PTCH1: variants seen among roughly 807,000 people sequenced by gnomAD.
PTCH1 encodes protein patched homolog 1.
Under a neutral mutation model 144.6 loss-of-function variants are expected in PTCH1, and 14 were observed. The observed-to-expected ratio is 0.10, with a 90% CI of 0.06 to 0.15. PTCH1 has a LOEUF of 0.15. PTCH1 is among the 10% of genes least tolerant of loss of function. The pLI, the probability that PTCH1 is intolerant of heterozygous loss-of-function variation, is 1.00. For missense variants in PTCH1, 1,623 were observed against 1,948.3 expected (o/e 0.83, Z 3.14); for synonymous variants, 833 against 793.6 (o/e 1.05, Z -0.83).
At chr9:95,486,516 A>G (rs985892285) in intron 2 of PTCH1, among the ~76,000 whole-genome samples, 2 of 152,272 alleles carry the variant, frequency 1.3e-5, no homozygotes, top group Admixed American at 1.3e-4. Flanking sequence ...GTCAGCATCC[A>G]GAAAACACAG....
rs372929159 is a variant in PTCH1, at chr9:95,457,450, T to C, written c.3168+563A>G. 9.2e-5 allele frequency among the ~76,000 whole-genome samples: 14 copies of C among 152,342 alleles called. No homozygotes were observed. In the East Asian group the frequency reaches 9.7e-4, roughly 11 times the overall value. ...TACCATAGTTCACAGAATTTAAACA[T>C]TGCCACGGTTTTATTAGACTCTACA... On this transcript the variant is annotated intron_variant, in intron 18 of 23. Coordinates refer to ENST00000331920, the MANE Select transcript of PTCH1 (RefSeq NM_000264.5).
In PTCH1 at chr9:95,469,899, C is replaced by T; in HGVS notation, c.1761G>A (p.Met587Ile). 6.2e-7 allele frequency: 1 copy of T among 1,614,108 alleles called. No homozygotes were observed. The highest frequency in any genetic ancestry group is 8.5e-7 in the Non-Finnish European group (1 of 1,180,014). Residue 587 changes from methionine (M) to isoleucine (I), a missense_variant, in exon 13 of 24, where the codon ATG becomes ATA. Transcript: ENST00000331920. Reference sequence around the variant, plus strand: ...GAATTGCAGGAAAAATGAGCAGAACCATGGCAAAATTGAACACCACTACTA... The same window carrying T: ...GAATTGCAGGAAAAATGAGCAGAACTATGGCAAAATTGAACACCACTACTA... Reference protein sequence around the residue: ...AAVVVVFNFAMVLLIFPAILS... With the variant: ...AAVVVVFNFAIVLLIFPAILS...
intron 2 of PTCH1, among the ~76,000 whole-genome samples, chr9:95,491,349 C>G (rs1842394470): frequency 6.6e-6 from 1 of 152,196 alleles, no homozygotes; most frequent in Non-Finnish European, 1.5e-5. Context: ...CCTGACACAG[C>G]TGAGCCTCAG....
chr9:95,508,982 G>A lies in PTCH1; in HGVS notation c.-621C>T, dbSNP rs1486821909. ...CCCGCGGTGGCTGCTGCTGGCGGTGGCGGCTCCAGGAGCTGCTGCTCGGGC... is the reference window on the plus strand; with the variant it reads ...CCCGCGGTGGCTGCTGCTGGCGGTGACGGCTCCAGGAGCTGCTGCTCGGGC... On this transcript the variant is annotated 5_prime_UTR_variant, in exon 1 of 24. Transcript: ENST00000331920. 1.3e-5 allele frequency among the ~76,000 whole-genome samples: 2 copies of A among 151,206 alleles called. No homozygotes were observed. Among genetic ancestry groups the A allele is most frequent in the Non-Finnish European group, 3.0e-5 (2 of 67,646 alleles).
intron 1 of PTCH1, chr9:95,506,831 C>A (rs2118887864): frequency 8.6e-7 from 1 of 1,168,344 alleles, no homozygotes; most frequent in African/African-American, 1.6e-5. Context: ...CATCAGGGCG[C>A]CCCCACCCGC....
At chr9:95,467,973 C>G (rs1279857510) in intron 14 of PTCH1, among the ~76,000 whole-genome samples, 2 of 152,044 alleles carry the variant, frequency 1.3e-5, no homozygotes, top group South Asian at 2.1e-4. Context: ...GTGGCATGAT[C>G]AGGGCTCACT....
upstream of PTCH1, among the ~76,000 whole-genome samples, chr9:95,512,048 G>A (rs921315535): frequency 2.0e-5 from 3 of 152,176 alleles, no homozygotes; most frequent in Non-Finnish European, 4.4e-5. Context: ...AAGGAATTCT[G>A]GAAGGAAATG....
chr9:95,492,636 C>T (rs539321151), intron 2 of PTCH1, among the ~76,000 whole-genome samples: 2 of 151,740 alleles, frequency 1.3e-5, no homozygotes, highest in Admixed American at 1.3e-4. Context: ...GAATATCACC[C>T]CCCCTTAAAA....
intron 18 of PTCH1, 72 bp downstream of exon 18, chr9:95,457,941 A>C: frequency 6.3e-7 from 1 of 1,594,240 alleles, no homozygotes; most frequent in Middle Eastern, 1.8e-4. Context: ...ACATAAACAA[A>C]ACTTCCCGGC....
chr9:95,507,490 A>G, intron 1 of PTCH1: 1 of 964,336 alleles, frequency 1.0e-6, no homozygotes, highest in Middle Eastern at 5.3e-4. Flanking sequence ...CGCACCGCGA[A>G]TTTAAGGTGG....
intron 2 of PTCH1, among the ~76,000 whole-genome samples, chr9:95,501,983 C>G (rs575386524): frequency 1.3e-4 from 20 of 152,250 alleles, no homozygotes; most frequent in African/African-American, 4.8e-4. Flanking sequence ...ACAGGGATGG[C>G]TAGTAGGAAG....
intron 8 of PTCH1, among the ~76,000 whole-genome samples, chr9:95,478,639 G>A (rs536069136): frequency 1.3e-5 from 2 of 152,274 alleles, no homozygotes; most frequent in African/African-American, 4.8e-5. Context: ...ACAAAGGCCA[G>A]CTCCTGTCAC....
intron 2 of PTCH1, among the ~76,000 whole-genome samples, chr9:95,489,067 A>C (rs1485417668): frequency 6.6e-6 from 1 of 152,110 alleles, no homozygotes; most frequent in African/African-American, 2.4e-5. Context: ...AGTGCACGAC[A>C]CTCATATATT....
rs1007732304 is a variant in PTCH1, at chr9:95,444,519, A to G, written c.*1874T>C. On this transcript the variant is annotated 3_prime_UTR_variant, in exon 24 of 24. Transcript: ENST00000331920. The stretch of plus-strand genomic sequence containing the variant: ...CACACACGCACGCACGCACACACAC[A>G]CACACACACCCAGCAGCCACAAGCG... 1.3e-5 allele frequency: 2 copies of G among 153,418 alleles called. No individual in the cohort carries two copies. Among genetic ancestry groups the G allele is most frequent in the African/African-American group, 2.4e-5 (1 of 41,288 alleles). The allele number at this position is 153,418 out of a possible 1,614,324, so 9.5% of individuals were successfully genotyped here.
At chr9:95,507,087 C>A in intron 1 of PTCH1, 1 of 986,176 alleles carries the variant, frequency 1.0e-6, no homozygotes, top group East Asian at 1.1e-4. Context: ...GTTCCCCCAA[C>A]TGGACCCCCG....
At position 95,476,377 on chromosome 9, in the gene PTCH1, G is replaced by A. The variant is rs1019984586; in HGVS notation, c.1603-218C>T. 1.3e-5 allele frequency among the ~76,000 whole-genome samples: 2 copies of A among 152,224 alleles called. No individual in the cohort carries two copies. The highest frequency in any genetic ancestry group is 2.9e-5 in the Non-Finnish European group (2 of 68,046). On this transcript the variant is annotated intron_variant, in intron 11 of 23. Transcript: ENST00000331920. This position sits in a 1 kb window ranked among gnomAD's most constrained non-coding sequence, Gnocchi z 4.6. ...TTCTTCATGGTTATTACCATCCAGA[G>A]AAGAAAGCTGCAAGATAATGACTTA...
intron 2 of PTCH1, among the ~76,000 whole-genome samples, chr9:95,496,386 G>A (rs575221114): frequency 6.6e-6 from 1 of 151,964 alleles, no homozygotes; most frequent in East Asian, 1.9e-4. Context: ...AACTGGTTTC[G>A]GTCCGCAACA....
At chr9:95,499,825 T>C (rs535894877) in intron 2 of PTCH1, among the ~76,000 whole-genome samples, 2 of 152,170 alleles carry the variant, frequency 1.3e-5, no homozygotes, top group African/African-American at 4.8e-5. Flanking sequence ...TGAACACTCA[T>C]CAGGGGCTAA....
intron 2 of PTCH1, among the ~76,000 whole-genome samples, chr9:95,493,896 G>A (rs1842610551): frequency 6.6e-6 from 1 of 152,110 alleles, no homozygotes; most frequent in Admixed American, 6.5e-5. Context: ...TTATTCAGGA[G>A]GAGCCAACCG....
Sources: allele counts gnomAD v4.1 joint callset (sites outside exome capture counted in the v4.1 genomes callset), GRCh38; gene constraint gnomAD v4.1.1; non-coding constraint Gnocchi (gnomAD v3.1); transcripts MANE v1.5; gene names NCBI Gene and HGNC (gene_info 2026-07-23, HGNC 2026-07-21).